The following TBCK variants were observed in gnomAD, a reference collection of about 807,000 sequenced individuals.
The protein encoded by TBCK is TBC1 domain containing kinase.
In TBCK, 99 loss-of-function variants were observed where a neutral mutation model predicts 113.4. The ratio of observed to expected loss-of-function variants is 0.87; its 90% confidence interval spans 0.74 to 1.03. The LOEUF is 1.03. Among genes scored for constraint, TBCK ranks in the 50% least tolerant of loss-of-function variants. The pLI, the probability that TBCK is intolerant of heterozygous loss-of-function variation, is 0.00. For synonymous variants in TBCK, 369 were observed against 370.8 expected, an observed-to-expected ratio of 1.00 and a Z score of 0.05; for missense variants, 1,045 against 1,061.3, an observed-to-expected ratio of 0.98 and a Z score of 0.21.
chr4:106,309,538 G>A (rs1218504492), intron 1 of TBCK, among the ~76,000 whole-genome samples: 3 of 151,528 alleles, frequency 2.0e-5, no homozygotes, highest in Admixed American at 6.6e-5. Flanking sequence ...TCCTGACCTC[G>A]TGATCCACCC....
chr4:106,099,145 T>C (rs888124789), intron 24 of TBCK, among the ~76,000 whole-genome samples: 4 of 152,054 alleles, frequency 2.6e-5, no homozygotes, highest in African/African-American at 2.4e-5. Flanking sequence ...TATAAGAATA[T>C]AGGTACAGTG....
chr4:106,199,708 T>G (rs916382463), intron 20 of TBCK, among the ~76,000 whole-genome samples: 1 of 152,198 alleles, frequency 6.6e-6, no homozygotes, highest in Non-Finnish European at 1.5e-5. Context: ...CCTCTCTTCC[T>G]CACACACTGT....
At chr4:106,224,113 T>C (rs962674929) in intron 19 of TBCK, among the ~76,000 whole-genome samples, 13 of 152,060 alleles carry the variant, frequency 8.5e-5, no homozygotes, top group Admixed American at 8.5e-4. Context: ...AGTAATTAAA[T>C]TTATTATATC....
At chr4:106,053,762 G>T (rs1735080822) in intron 25 of TBCK, among the ~76,000 whole-genome samples, 1 of 151,572 alleles carries the variant, frequency 6.6e-6, no homozygotes, top group African/African-American at 2.4e-5. Context: ...GGGAACACTT[G>T]ATTCCTACCC....
At chr4:106,052,445 A>G (rs10023586) in intron 25 of TBCK, among the ~76,000 whole-genome samples, 9,543 of 151,832 alleles carry the variant, frequency 0.063, 350 homozygotes, top group Non-Finnish European at 0.081. Flanking sequence ...AACTACTCCA[A>G]TGTTATCTGG....
intron 3 of TBCK, among the ~76,000 whole-genome samples, chr4:106,292,285 C>A (rs1765802500): frequency 6.6e-6 from 1 of 151,916 alleles, no homozygotes; most frequent in African/African-American, 2.4e-5. Flanking sequence ...AAAGTATATG[C>A]CCTTGGCTGG....
intron 5 of TBCK, among the ~76,000 whole-genome samples, chr4:106,255,647 G>A (rs1248422044): frequency 6.6e-6 from 1 of 151,672 alleles, no homozygotes; most frequent in Non-Finnish European, 1.5e-5. Context: ...CTAGGTCTGG[G>A]CTCCCCAAAG....
chr4:106,286,672 A>T (rs1444580029), intron 3 of TBCK, among the ~76,000 whole-genome samples: 1 of 152,128 alleles, frequency 6.6e-6, no homozygotes, highest in Non-Finnish European at 1.5e-5. Flanking sequence ...TACAAAAAAT[A>T]AAAAAATAGC....
At chr4:106,215,365 C>T (rs906905609) in intron 19 of TBCK, among the ~76,000 whole-genome samples, 9 of 151,704 alleles carry the variant, frequency 5.9e-5, no homozygotes, top group African/African-American at 1.7e-4. Context: ...ACACATAACA[C>T]GATTAACTTT....
At chr4:106,208,054 G>T (rs533707574) in intron 20 of TBCK, among the ~76,000 whole-genome samples, 19 of 152,228 alleles carry the variant, frequency 1.2e-4, no homozygotes, top group African/African-American at 4.6e-4. Context: ...GGGGGTCAGG[G>T]ATGCTCAGCA....
At position 106,115,426 on chromosome 4, in the gene TBCK, T is replaced by C. The variant is rs1743371075; in HGVS notation, c.2411+777A>G. On this transcript the variant is annotated intron_variant, in intron 24 of 25. Transcript: ENST00000394708. ...GCCAATTTTAGCATATAAGAAACCA[T>C]TAACCTGCTAACCCTCATTTATAGC... Among the ~76,000 whole-genome samples the C allele has an allele frequency of 1.3e-5, 2 of 152,180 alleles. 1 individual carries two copies. Among genetic ancestry groups the C allele is most frequent in the East Asian group, 3.8e-4 (2 of 5,202 alleles).
chr4:106,167,363 T>C lies in TBCK; in HGVS notation c.2235+3732A>G, dbSNP rs151110982. Among the ~76,000 whole-genome samples, 831 of 151,082 alleles carry C rather than the reference T, an allele frequency of 5.5e-3. 3 individuals carry two copies. The highest frequency in any genetic ancestry group is 8.9e-3 in the Non-Finnish European group (602 of 67,426). On this transcript the variant is annotated intron_variant, in intron 23 of 25. Coordinates refer to ENST00000394708, the MANE Select transcript of TBCK (RefSeq NM_001163435.3). ...GGAAATGAAAACACAACATCAAAAT[T>C]GGTGGAATGCATCAAAAACAATGCT...
At chr4:106,198,095 T>A (rs1161976261) in intron 20 of TBCK, among the ~76,000 whole-genome samples, 1 of 152,142 alleles carries the variant, frequency 6.6e-6, no homozygotes, top group African/African-American at 2.4e-5. Flanking sequence ...ACTCATGCAT[T>A]TAAGGCCACT....
At chr4:106,262,836 T>C (rs1369162492) in intron 3 of TBCK, among the ~76,000 whole-genome samples, 1 of 151,922 alleles carries the variant, frequency 6.6e-6, no homozygotes, top group Non-Finnish European at 1.5e-5. Context: ...TTTTTTCCAA[T>C]TTGCAAGTCT....
chr4:106,044,756 G>A lies in TBCK; in HGVS notation c.*1814C>T, dbSNP rs1734066078. The A allele has an allele frequency of 6.6e-6, 1 of 152,138 alleles. No individual in the cohort carries two copies. The highest frequency in any genetic ancestry group is 2.4e-5 in the African/African-American group (1 of 41,432). The allele number at this position is 152,138 out of a possible 1,614,324, so 9.4% of individuals were successfully genotyped here. A position where few individuals can be genotyped will look rare whatever the true frequency, so the allele number is the denominator to read the frequency against. ...TGAATACACTAAAAACTACTGAACTGTACATGTTAAAAGGATGAATTTTAT... is the reference window on the plus strand; with the variant it reads ...TGAATACACTAAAAACTACTGAACTATACATGTTAAAAGGATGAATTTTAT... On this transcript the variant is annotated 3_prime_UTR_variant, in exon 26 of 26. Coordinates refer to ENST00000394708, the MANE Select transcript of TBCK (RefSeq NM_001163435.3).
intron 25 of TBCK, among the ~76,000 whole-genome samples, chr4:106,077,356 G>A (rs944275178): frequency 6.6e-6 from 1 of 152,138 alleles, no homozygotes. Context: ...TAAATGCCTC[G>A]ATTAAATGGT....
At chr4:106,313,194 C>G (rs192024619) in intron 1 of TBCK, among the ~76,000 whole-genome samples, 12 of 152,246 alleles carry the variant, frequency 7.9e-5, no homozygotes, top group Admixed American at 7.8e-4. Context: ...AAAACTGATT[C>G]TGCTATCAAC....
intron 24 of TBCK, among the ~76,000 whole-genome samples, chr4:106,095,951 G>C (rs1015640664): frequency 1.3e-5 from 2 of 152,120 alleles, no homozygotes; most frequent in South Asian, 4.1e-4. Context: ...ATAAAGAGTG[G>C]AGATGGTGGA....
chr4:106,259,788 G>C (rs1762332155), intron 5 of TBCK, among the ~76,000 whole-genome samples: 1 of 151,804 alleles, frequency 6.6e-6, no homozygotes, highest in Non-Finnish European at 1.5e-5. Flanking sequence ...AAATAATAAT[G>C]AAAATGTCTA....
Sources: gnomAD v4.1 joint callset for allele counts (sites outside exome capture counted in the v4.1 genomes callset) on GRCh38, gnomAD v4.1.1 for gene constraint, MANE v1.5 for transcripts, NCBI Gene and HGNC (gene_info 2026-07-23, HGNC 2026-07-21) for gene names.